The following DLC1 variants were observed in gnomAD, a reference collection of about 807,000 sequenced individuals.
The protein encoded by DLC1 is DLC1 Rho GTPase activating protein, also known as rho GTPase-activating protein 7.
Under a neutral mutation model 140.3 loss-of-function variants are expected in DLC1, and 54 were observed. The ratio of observed to expected loss-of-function variants is 0.38; its 90% CI spans 0.31 to 0.48. The LOEUF (loss-of-function observed/expected upper bound fraction) is 0.48, where lower values mean the gene tolerates loss of function less well. Among genes scored for constraint, DLC1 ranks in the 20% least tolerant of loss-of-function variants. The probability of loss-of-function intolerance (pLI) is 0.96; values close to 1 mark genes in which losing one functional copy is unlikely to be tolerated. For synonymous variants in DLC1, 986 were observed against 728.1 expected (o/e 1.35, Z -5.70); for missense variants, 2,536 against 1,907.0 (o/e 1.33, Z -6.14).
intron 2 of DLC1, among the ~76,000 whole-genome samples, chr8:13,479,958 T>G (rs1296219008): frequency 9.2e-6 from 1 of 108,530 alleles, no homozygotes; most frequent in Non-Finnish European, 2.2e-5. Flanking sequence ...CCCAGACACT[T>G]CAGAGGCTGA....
chr8:13,476,857 TTTCATGTAA>T (rs1800456245), intron 2 of DLC1, among the ~76,000 whole-genome samples: 1 of 152,230 alleles, frequency 6.6e-6, no homozygotes, highest in African/African-American at 2.4e-5. Flanking sequence ...GGATACACCT[TTTCATGTAA>T]GTGAAATCAA....
At chr8:13,571,458 A>T (rs573976550) in intron 1 of DLC1, among the ~76,000 whole-genome samples, 2 of 152,342 alleles carry the variant, frequency 1.3e-5, no homozygotes, top group Admixed American at 1.3e-4. Context: ...CAGTGCAATC[A>T]TGCAGTCTTT....
chr8:13,496,247 C>T (rs1193747182), intron 2 of DLC1, among the ~76,000 whole-genome samples: 2 of 152,108 alleles, frequency 1.3e-5, no homozygotes, highest in African/African-American at 4.8e-5. Flanking sequence ...GTGTGAAAAA[C>T]TTTATAAATA....
At chr8:13,486,133 C>G (rs752350161) in intron 2 of DLC1, among the ~76,000 whole-genome samples, 4 of 152,114 alleles carry the variant, frequency 2.6e-5, no homozygotes, top group Non-Finnish European at 5.9e-5. Context: ...TGATAAAAGT[C>G]TATGTTGACC....
intron 5 of DLC1, among the ~76,000 whole-genome samples, chr8:13,216,970 G>T (rs899231639): frequency 6.6e-6 from 1 of 152,106 alleles, no homozygotes; most frequent in African/African-American, 2.4e-5. Flanking sequence ...CAGCATGTTT[G>T]TCTTTTGCTT....
chr8:13,573,969 A>T (rs540379932), intron 1 of DLC1, among the ~76,000 whole-genome samples: 1 of 152,288 alleles, frequency 6.6e-6, no homozygotes, highest in East Asian at 1.9e-4. Flanking sequence ...GGTGTTTAGC[A>T]CAGTGCCTTA....
At chr8:13,424,953 G>T (rs1431140083) in intron 2 of DLC1, among the ~76,000 whole-genome samples, 1 of 152,102 alleles carries the variant, frequency 6.6e-6, no homozygotes. Flanking sequence ...AATATAAATG[G>T]CTATAAATAT....
intron 5 of DLC1, among the ~76,000 whole-genome samples, chr8:13,152,814 C>G (rs1283891197): frequency 3.9e-4 from 2 of 5,066 alleles, no homozygotes; most frequent in Non-Finnish European, 8.1e-4. Flanking sequence ...GAGACCCTGT[C>G]TCTGGGGAAG....
chr8:13,370,655 C>T (rs11991613), intron 4 of DLC1, among the ~76,000 whole-genome samples: 19,109 of 152,194 alleles, frequency 0.13, 1,320 homozygotes, highest in Non-Finnish European at 0.16. Flanking sequence ...GAAATCAGGG[C>T]TCAGCTAATG....
chr8:13,540,663 G>C (rs1803453100), intron 1 of DLC1, among the ~76,000 whole-genome samples: 1 of 152,160 alleles, frequency 6.6e-6, no homozygotes, highest in Non-Finnish European at 1.5e-5. Flanking sequence ...AATGTTTATT[G>C]GATCTGAAGT....
At chr8:13,224,243 C>T (rs1183917187) in intron 5 of DLC1, among the ~76,000 whole-genome samples, 1 of 152,172 alleles carries the variant, frequency 6.6e-6, no homozygotes, top group Non-Finnish European at 1.5e-5. Flanking sequence ...AAAGCAACCA[C>T]AAAGCTTTTA....
At chr8:13,410,218 C>G (rs1837727612) in intron 2 of DLC1, among the ~76,000 whole-genome samples, 1 of 151,970 alleles carries the variant, frequency 6.6e-6, no homozygotes, top group African/African-American at 2.4e-5. Context: ...GTGGCAAGGA[C>G]TTAGAAGGCA....
chr8:13,546,032 G>T (rs888140607), intron 1 of DLC1, among the ~76,000 whole-genome samples: 3 of 151,982 alleles, frequency 2.0e-5, no homozygotes, highest in Admixed American at 1.3e-4. Flanking sequence ...AAAGAGAATG[G>T]GGAAGTGGAT....
intron 5 of DLC1, among the ~76,000 whole-genome samples, chr8:13,244,567 G>A (rs1829682521): frequency 6.6e-6 from 1 of 151,964 alleles, no homozygotes; most frequent in African/African-American, 2.4e-5. Context: ...CCAAAGTGCT[G>A]GGATTACAGG....
At chr8:13,133,911 G>A (rs1323743707) in intron 5 of DLC1, among the ~76,000 whole-genome samples, 1 of 152,162 alleles carries the variant, frequency 6.6e-6, no homozygotes, top group Admixed American at 6.5e-5. Flanking sequence ...AACCCGCATG[G>A]GTACGGAGCC....
At chr8:13,523,369 TA>T (rs1802817455) in intron 1 of DLC1, among the ~76,000 whole-genome samples, 1 of 152,122 alleles carries the variant, frequency 6.6e-6, no homozygotes, top group African/African-American at 2.4e-5. Context: ...CATCATCAAT[TA>T]AAAAAGGAAA....
chr8:13,506,481 A>C (rs1802069449), intron 1 of DLC1, among the ~76,000 whole-genome samples: 1 of 150,482 alleles, frequency 6.6e-6, no homozygotes, highest in Non-Finnish European at 1.5e-5. Context: ...CTGATTAGCC[A>C]TCCCATGTTA....
chr8:13,187,219 TC>T (rs367902804), intron 5 of DLC1, among the ~76,000 whole-genome samples: 62 of 152,328 alleles, frequency 4.1e-4, no homozygotes, highest in African/African-American at 1.3e-3. Context: ...ATTTATTTTT[TC>T]TCTGTTGTTT....
intron 4 of DLC1, among the ~76,000 whole-genome samples, chr8:13,312,386 A>AAAAAAAAAAAAAAAAAAAAATAATAAT (rs71207139): frequency 1.2e-5 from 1 of 81,678 alleles, no homozygotes; most frequent in Non-Finnish European, 2.5e-5. Flanking sequence ...AAAAAAAAAA[A>AAAAAAAAAAAAAAAAAAAAATAATAAT]AATAATTTCT....
Sources: gnomAD v4.1 joint callset for allele counts (sites outside exome capture counted in the v4.1 genomes callset) on GRCh38, gnomAD v4.1.1 for gene constraint, MANE v1.5 for transcripts, NCBI Gene and HGNC (gene_info 2026-07-23, HGNC 2026-07-21) for gene names.